LTBP1: variants seen among roughly 807,000 people sequenced by gnomAD.
The protein encoded by LTBP1 is latent transforming growth factor beta binding protein 1.
Under a neutral mutation model 207.6 loss-of-function variants are expected in LTBP1, and 129 were observed. That is an observed-to-expected ratio of 0.62 (90% CI 0.54 to 0.72). The LOEUF (loss-of-function observed/expected upper bound fraction) is 0.72. Ranked by LOEUF, LTBP1 falls within the 30% of genes least tolerant of loss-of-function variation. LTBP1 has a pLI of 0.00. For missense variants in LTBP1, 2,281 were observed against 2,217.2 expected (o/e 1.03, Z -0.58); for synonymous variants, 963 against 833.7 (o/e 1.16, Z -2.67).
At chr2:32,952,597 A>G (rs990424680) in intron 2 of LTBP1, among the ~76,000 whole-genome samples, 2 of 152,176 alleles carry the variant, frequency 1.3e-5, no homozygotes, top group Non-Finnish European at 2.9e-5. Context: ...CAAGTGGGGC[A>G]TTAAACCCCT....
chr2:33,393,327 A>G (rs1248853754), intron 32 of LTBP1, among the ~76,000 whole-genome samples: 1 of 142,786 alleles, frequency 7.0e-6, no homozygotes, highest in Non-Finnish European at 1.5e-5. Flanking sequence ...GTTTTAGGGT[A>G]CATGTGCACA....
intron 2 of LTBP1, among the ~76,000 whole-genome samples, chr2:33,009,761 C>T (rs1034748764): frequency 5.3e-5 from 8 of 152,098 alleles, no homozygotes; most frequent in South Asian, 2.1e-4. Flanking sequence ...TGTGAATGGC[C>T]GTCCCTTTTA....
chr2:32,971,043 T>C (rs1462524092), intron 2 of LTBP1, among the ~76,000 whole-genome samples: 1 of 145,062 alleles, frequency 6.9e-6, no homozygotes, highest in South Asian at 2.2e-4. Flanking sequence ...TGTGTGTGTG[T>C]CTGTCTGTCT....
At chr2:33,393,733 A>G (rs817204) in intron 32 of LTBP1, among the ~76,000 whole-genome samples, 15,187 of 152,168 alleles carry the variant, frequency 0.1, 854 homozygotes, top group Non-Finnish European at 0.13. Flanking sequence ...GCTATTGTGA[A>G]TAGTGCCACA....
rs11413441 is a variant in LTBP1, at chr2:33,004,099, AT to A, written c.566-16797del. On this transcript the variant is annotated intron_variant, in intron 2 of 33. Transcript: ENST00000404816. Reference sequence around the variant, plus strand: ...CAATGCCCATTCCTTAATAAATATCATTTTTTTTTTTTTAAAGAGAGTCTGC... The same window carrying A: ...CAATGCCCATTCCTTAATAAATATCATTTTTTTTTTTTAAAGAGAGTCTGC... Among the ~76,000 whole-genome samples the A allele has an allele frequency of 6.3e-3, 941 of 148,254 alleles. 5 individuals are homozygous for A. Among genetic ancestry groups the A allele is most frequent in the African/African-American group, 8.6e-3 (347 of 40,360 alleles).
chr2:33,347,942 CAA>C (rs2094726200), intron 26 of LTBP1, among the ~76,000 whole-genome samples: 1 of 152,232 alleles, frequency 6.6e-6, no homozygotes, highest in Non-Finnish European at 1.5e-5. Flanking sequence ...TTAGGATCTA[CAA>C]AGACTTCCAC....
chr2:33,243,635 C>T (rs777291548), intron 9 of LTBP1, 27 bp from the exon 10 acceptor site: 26 of 1,611,668 alleles, frequency 1.6e-5, no homozygotes, highest in Non-Finnish European at 2.2e-5. Flanking sequence ...TTGACTGCTC[C>T]TTCTAAAGAA....
chr2:32,961,313 G>A (rs1328576580), intron 2 of LTBP1, among the ~76,000 whole-genome samples: 1 of 152,178 alleles, frequency 6.6e-6, no homozygotes, highest in Non-Finnish European at 1.5e-5. Flanking sequence ...GCGAGGCTGC[G>A]GTTTAGGATG....
At chr2:32,968,952 G>A (rs1680413468) in intron 2 of LTBP1, among the ~76,000 whole-genome samples, 1 of 134,442 alleles carries the variant, frequency 7.4e-6, no homozygotes, top group Non-Finnish European at 1.6e-5. Context: ...GTCTCGCTCT[G>A]TCACCCAGGC....
At chr2:33,197,243 A>G (rs890860328) in intron 7 of LTBP1, among the ~76,000 whole-genome samples, 1 of 152,238 alleles carries the variant, frequency 6.6e-6, no homozygotes, top group Non-Finnish European at 1.5e-5. Flanking sequence ...GTTTTCTTGA[A>G]TATAAATCAA....
intron 4 of LTBP1, among the ~76,000 whole-genome samples, chr2:33,119,821 G>C (rs1346401649): frequency 6.6e-6 from 1 of 152,176 alleles, no homozygotes; most frequent in Non-Finnish European, 1.5e-5. Flanking sequence ...GCCTCCCAAA[G>C]TGCTGGGATT....
At chr2:33,118,045 G>A (rs937960018) in intron 4 of LTBP1, among the ~76,000 whole-genome samples, 1 of 152,068 alleles carries the variant, frequency 6.6e-6, no homozygotes, top group Non-Finnish European at 1.5e-5. Context: ...AGACATCCTC[G>A]CTGATAGGTC....
At position 33,284,845 on chromosome 2, in the gene LTBP1, G is replaced by T. The variant is rs79865347; in HGVS notation, c.3112+4687G>T. On this transcript the variant is annotated intron_variant, in intron 19 of 33. Coordinates refer to ENST00000404816, the MANE Select transcript of LTBP1 (RefSeq NM_206943.4). ...TAAAATGGGGATTGAAATACTTGCT[G>T]TTTAAGCTTTCTTGCCAGAATGAAG... is the stretch of plus-strand genomic sequence containing the variant. Among the ~76,000 whole-genome samples the T allele has an allele frequency of 4.2e-3, 640 of 152,208 alleles. 6 individuals carry two copies. The highest frequency in any genetic ancestry group is 0.015 in the African/African-American group (615 of 41,546).
In LTBP1 at chr2:33,263,350, A is replaced by G. The variant is rs2148046769; in HGVS notation, c.2575A>G (p.Thr859Ala). Residue 859 changes from threonine (T) to alanine (A), a missense_variant, in exon 15 of 34, where the codon ACG (threonine) becomes GCG (alanine). Physicochemically the swap from Thr to Ala is moderately conservative, Grantham distance 58 (BLOSUM62 0). Coordinates refer to ENST00000404816, the MANE Select transcript of LTBP1 (RefSeq NM_206943.4). ...TGTTGAAGTAGCTCCTGAAGCTTCT[A>G]CGTCTAGTGCCAGCCAAGTGATTGC... ...VPVEVAPEAS[T>A]SSASQVIAPT... 1 of 1,614,040 alleles carries G rather than the reference A, an allele frequency of 6.2e-7. No individual in the cohort carries two copies. Among genetic ancestry groups the G allele is most frequent in the Non-Finnish European group, 8.5e-7 (1 of 1,179,970 alleles).
chr2:33,307,179 A>G lies in LTBP1; in HGVS notation c.3482-2255A>G, dbSNP rs191203244. Reference sequence around the variant, plus strand: ...TAAATGTGGAACAATCGGAGTTCTCATATGTTTCCTGTGGGAATGTAATTG... The same window carrying G: ...TAAATGTGGAACAATCGGAGTTCTCGTATGTTTCCTGTGGGAATGTAATTG... On this transcript the variant is annotated intron_variant, in intron 22 of 33. Transcript: ENST00000404816. Among the ~76,000 whole-genome samples, 16 of 152,328 alleles carry G rather than the reference A, an allele frequency of 1.1e-4. 1 individual carries two copies. The highest frequency in any genetic ancestry group is 3.4e-4 in the African/African-American group (14 of 41,576).
intron 2 of LTBP1, among the ~76,000 whole-genome samples, chr2:32,954,328 A>G (rs578259238): frequency 6.6e-6 from 1 of 152,332 alleles, no homozygotes; most frequent in East Asian, 1.9e-4. Flanking sequence ...AACGATAGAA[A>G]TGTATTGTCT....
At chr2:33,181,593 T>C (rs898487159) in intron 5 of LTBP1, among the ~76,000 whole-genome samples, 1 of 152,226 alleles carries the variant, frequency 6.6e-6, no homozygotes, top group East Asian at 1.9e-4. Context: ...ATTGCAGTAG[T>C]TCCCAGGTGA....
chr2:33,126,938 T>G (rs1400231508), intron 4 of LTBP1, among the ~76,000 whole-genome samples: 1 of 152,266 alleles, frequency 6.6e-6, no homozygotes, highest in Non-Finnish European at 1.5e-5. Context: ...TCTATACAAC[T>G]AAGTGCTTCA....
intron 2 of LTBP1, among the ~76,000 whole-genome samples, chr2:32,977,059 G>A (rs1478285363): frequency 1.3e-5 from 2 of 152,208 alleles, no homozygotes; most frequent in East Asian, 1.9e-4. Flanking sequence ...TGCTGTCCGG[G>A]TGTTATCCTG....
Sources: gnomAD v4.1 joint callset for allele counts (sites outside exome capture counted in the v4.1 genomes callset) on GRCh38, gnomAD v4.1.1 for gene constraint, MANE v1.5 for transcripts, NCBI Gene and HGNC (gene_info 2026-07-23, HGNC 2026-07-21) for gene names.